Variants in SYNPR observed in about 807,000 individuals in gnomAD.
SYNPR encodes synaptoporin.
SYNPR carries 23 observed loss-of-function variants against 32.9 expected under a neutral mutation model. That is an observed-to-expected ratio of 0.70 (90% confidence interval 0.50 to 0.99). The LOEUF is 0.99. Ranked by LOEUF, SYNPR falls within the 50% of genes least tolerant of loss-of-function variation. SYNPR has a pLI of 0.00. For missense variants in SYNPR, 318 were observed against 349.3 expected (o/e 0.91, Z 0.71); for synonymous variants, 146 against 135.9 (o/e 1.07, Z -0.52).
chr3:63,349,940 G>T (rs1268892733), intron 2 of SYNPR, among the ~76,000 whole-genome samples: 1 of 152,106 alleles, frequency 6.6e-6, no homozygotes, highest in Non-Finnish European at 1.5e-5. Context: ...CCACTGAGTT[G>T]TCCATGTACA....
rs558321387 is a variant in SYNPR at position 63,349,667 on chromosome 3, A to G, written c.84+70925A>G. 3.3e-5 allele frequency among the ~76,000 whole-genome samples: 5 copies of G among 152,194 alleles called. No homozygotes were observed. In the East Asian group the frequency reaches 9.7e-4, roughly 29 times the overall value. ...TTGTGTATGTTGATTTTGCATCCTG[A>G]CACTTTACTGAATTTATAAAATTTG... On this transcript the variant is annotated intron_variant, in intron 2 of 5. Transcript: ENST00000478300.
chr3:63,268,683 G>A (rs2086510824), intron 3 of SYNPR, among the ~76,000 whole-genome samples: 1 of 135,126 alleles, frequency 7.4e-6, no homozygotes, highest in African/African-American at 2.9e-5. Flanking sequence ...AGGAAGAGGA[G>A]GGGTTGATCT....
chr3:63,588,662 A>T (rs1374280393), intron 4 of SYNPR, among the ~76,000 whole-genome samples: 1 of 152,126 alleles, frequency 6.6e-6, no homozygotes, highest in African/African-American at 2.4e-5. Context: ...CCAATAATCA[A>T]TTTTTTGGAA....
intron 4 of SYNPR, among the ~76,000 whole-genome samples, chr3:63,559,251 AT>A (rs1175781830): frequency 1.3e-5 from 2 of 151,686 alleles, no homozygotes; most frequent in Non-Finnish European, 1.5e-5. Context: ...AATTTTTTGT[AT>A]TTTTTGGTAC....
At chr3:63,553,969 G>A (rs184134992) in intron 3 of SYNPR, among the ~76,000 whole-genome samples, 175 of 152,272 alleles carry the variant, frequency 1.1e-3, no homozygotes, top group African/African-American at 4.1e-3. Context: ...GATCCACCCC[G>A]TCTTGGCCTC....
intron 3 of SYNPR, among the ~76,000 whole-genome samples, chr3:63,547,790 C>G (rs1702434905): frequency 6.6e-6 from 1 of 152,146 alleles, no homozygotes; most frequent in Non-Finnish European, 1.5e-5. Flanking sequence ...GTCATACGGA[C>G]TCCATTTCTC....
intron 4 of SYNPR, among the ~76,000 whole-genome samples, chr3:63,558,589 C>T (rs753793498): frequency 1.3e-5 from 2 of 152,136 alleles, no homozygotes; most frequent in African/African-American, 2.4e-5. Context: ...CCTCCCGCCT[C>T]GGCCTCCCAA....
chr3:63,584,837 A>G (rs1037015048), intron 4 of SYNPR, among the ~76,000 whole-genome samples: 2 of 152,064 alleles, frequency 1.3e-5, no homozygotes, highest in African/African-American at 4.8e-5. Context: ...GTATTTATGG[A>G]GGAGGTTTCC....
chr3:63,389,678 G>A (rs1030248093), intron 2 of SYNPR, among the ~76,000 whole-genome samples: 2 of 152,132 alleles, frequency 1.3e-5, no homozygotes, highest in South Asian at 2.1e-4. Context: ...GGTGATTCCC[G>A]AGGGAAAATC....
chr3:63,262,717 G>A (rs1484865702), intron 2 of SYNPR, among the ~76,000 whole-genome samples: 2 of 152,112 alleles, frequency 1.3e-5, no homozygotes, highest in Admixed American at 6.5e-5. Context: ...GGAGACAGTG[G>A]CCAAGCAGCC....
At chr3:63,325,504 G>T (rs1219210607) in intron 2 of SYNPR, among the ~76,000 whole-genome samples, 2 of 152,078 alleles carry the variant, frequency 1.3e-5, no homozygotes, top group African/African-American at 4.8e-5. Context: ...ACCCAGGAAA[G>T]ATCCTAAGCC....
At chr3:63,613,916 A>G (rs945394581) in intron 5 of SYNPR, among the ~76,000 whole-genome samples, 3 of 152,168 alleles carry the variant, frequency 2.0e-5, no homozygotes, top group Non-Finnish European at 4.4e-5. Context: ...CAAAGCCTAT[A>G]GAGATTTCTC....
intron 2 of SYNPR, among the ~76,000 whole-genome samples, chr3:63,331,540 G>C (rs1431036064): frequency 1.3e-5 from 2 of 151,932 alleles, no homozygotes; most frequent in African/African-American, 4.8e-5. Flanking sequence ...AAATGCTCAC[G>C]TATCTTTATA....
upstream of SYNPR, among the ~76,000 whole-genome samples, chr3:63,274,263 C>A: frequency 6.6e-6 from 1 of 152,152 alleles, no homozygotes; most frequent in East Asian, 1.9e-4. Context: ...CCTATGAGAA[C>A]AAGATTTAAT....
At chr3:63,320,199 C>G (rs933254377) in intron 2 of SYNPR, among the ~76,000 whole-genome samples, 1 of 151,948 alleles carries the variant, frequency 6.6e-6, no homozygotes, top group African/African-American at 2.4e-5. Context: ...GATCCTCCTG[C>G]CTTGGCATCC....
At chr3:63,609,347 C>G (rs776595333) in intron 5 of SYNPR, 31 bp downstream of exon 5, 1 of 1,452,042 alleles carries the variant, frequency 6.9e-7, no homozygotes, top group African/African-American at 1.5e-5. Flanking sequence ...CTTTACTGTT[C>G]ATATCTTTGT....
At chr3:63,299,545 C>G (rs7647300) in intron 2 of SYNPR, among the ~76,000 whole-genome samples, 8,127 of 152,120 alleles carry the variant, frequency 0.053, 635 homozygotes, top group African/African-American at 0.17. Context: ...GAGAAAATGG[C>G]TACCTCAGCC....
chr3:63,517,789 C>A (rs1701828614), intron 3 of SYNPR, among the ~76,000 whole-genome samples: 2 of 152,144 alleles, frequency 1.3e-5, no homozygotes, highest in South Asian at 2.1e-4. Flanking sequence ...GAGGCTATAG[C>A]CAACTCAGGG....
intron 1 of SYNPR, among the ~76,000 whole-genome samples, chr3:63,243,138 A>G (rs933175377): frequency 1.3e-5 from 2 of 151,958 alleles, no homozygotes; most frequent in Admixed American, 6.6e-5. Context: ...TGAATATATG[A>G]TATCTAATGT....
Sources: allele counts gnomAD v4.1 joint callset (sites outside exome capture counted in the v4.1 genomes callset), GRCh38; gene constraint gnomAD v4.1.1; transcripts MANE v1.5; gene names NCBI Gene and HGNC (gene_info 2026-07-23, HGNC 2026-07-21).